Variants in DCAF7 observed in about 807,000 individuals in gnomAD.
DCAF7 encodes the protein DDB1- and CUL4-associated factor 7.
DCAF7 carries 4 observed loss-of-function variants against 41.2 expected under a neutral mutation model. The observed-to-expected ratio is 0.10, with a 90% CI of 0.05 to 0.22. DCAF7 has a LOEUF of 0.22. Among genes scored for constraint, DCAF7 ranks in the 10% least tolerant of loss-of-function variants. The pLI is 1.00. For missense variants in DCAF7, 131 were observed against 443.2 expected, an observed-to-expected ratio of 0.30 and a Z score of 6.32; for synonymous variants, 143 against 164.2, an observed-to-expected ratio of 0.87 and a Z score of 0.99.
intron 2 of DCAF7, 41 bp downstream of exon 2, chr17:63,578,669 C>T: frequency 6.2e-7 from 1 of 1,612,872 alleles, no homozygotes; most frequent in Non-Finnish European, 8.5e-7. Flanking sequence ...AGTGGGCTTT[C>T]TCAGCCTCAG....
intron 1 of DCAF7, among the ~76,000 whole-genome samples, chr17:63,566,050 A>C (rs1202545588): frequency 1.3e-5 from 2 of 152,110 alleles, no homozygotes; most frequent in Non-Finnish European, 2.9e-5. Flanking sequence ...GCAATGAGCC[A>C]AGATTACACC....
At chr17:63,579,284 CTT>C in intron 2 of DCAF7, 51 bp from the exon 3 acceptor site, 4 of 1,282,026 alleles carry the variant, frequency 3.1e-6, no homozygotes, top group Non-Finnish European at 4.3e-6. Flanking sequence ...TTTTAAAAGA[CTT>C]TTTATGAGGA....
rs1177002920 is a variant in DCAF7, at chr17:63,591,480, GT to G, written c.*2309del. 1 of 152,268 alleles carries G rather than the reference GT, an allele frequency of 6.6e-6. No individual in the cohort carries two copies. Among genetic ancestry groups the G allele is most frequent in the African/African-American group, 2.4e-5 (1 of 41,444 alleles). The allele number at this position is 152,268 out of a possible 1,614,324, so 9.4% of individuals were successfully genotyped here. A position where few individuals can be genotyped will look rare whatever the true frequency, so the allele number is the denominator to read the frequency against. On this transcript the variant is annotated 3_prime_UTR_variant, in exon 7 of 7. Transcript: ENST00000614556. Reference sequence around the variant, plus strand: ...CTGTCATCCTTCCTTAGGTCCTGCAGTACAGTCTTCCCCTGAATGCCACCGG... The same window carrying G: ...CTGTCATCCTTCCTTAGGTCCTGCAGACAGTCTTCCCCTGAATGCCACCGG...
chr17:63,562,513 C>A lies in DCAF7; in HGVS notation c.138+11698C>A, dbSNP rs543834886. Among the ~76,000 whole-genome samples the A allele has an allele frequency of 5.9e-5, 9 of 151,812 alleles. No individual in the cohort carries two copies. The East Asian group carries it at 9.6e-4, about 16-fold the overall frequency. Reference sequence around the variant, plus strand: ...GTCAAAAGACAGCAGAAAATATTTTCTTTTTTTATTTTTTATTTTTTATTT... The same window carrying A: ...GTCAAAAGACAGCAGAAAATATTTTATTTTTTTATTTTTTATTTTTTATTT... On this transcript the variant is annotated intron_variant, in intron 1 of 6. Coordinates refer to ENST00000614556, the MANE Select transcript of DCAF7 (RefSeq NM_005828.5).
rs1236275098 is a variant in DCAF7 at position 63,593,093 on chromosome 17, G to GGGTA, written c.*3924_*3927dup. On this transcript the variant is annotated 3_prime_UTR_variant, in exon 7 of 7. Transcript: ENST00000614556. ...GGCAGCCCCTTTCATTCCTGGCTTG[G>GGGTA]GGTAGGGGAGACCATTGAAGTAGAA... 1 of 152,578 alleles carries GGGTA rather than the reference G, an allele frequency of 6.6e-6. No individual in the cohort carries two copies. Among genetic ancestry groups the GGGTA allele is most frequent in the Non-Finnish European group, 1.5e-5 (1 of 68,324 alleles). 9.5% of individuals were successfully genotyped at this position (152,578 alleles called of 1,614,324 possible).
At chr17:63,562,539 T>TTTA (rs567879311) in intron 1 of DCAF7, among the ~76,000 whole-genome samples, 1 of 151,348 alleles carries the variant, frequency 6.6e-6, no homozygotes, top group Non-Finnish European at 1.5e-5. Flanking sequence ...TTTTTTATTT[T>TTTA]TTATTATTAT....
At position 63,593,356 on chromosome 17, in the gene DCAF7, A is replaced by C. The variant is rs148102923; in HGVS notation, c.*4184A>C. 1 of 152,724 alleles carries C rather than the reference A, an allele frequency of 6.5e-6. No homozygotes were observed. Among genetic ancestry groups the C allele is most frequent in the African/African-American group, 2.4e-5 (1 of 41,454 alleles). The allele number at this position is 152,724 out of a possible 1,614,324, so 9.5% of individuals were successfully genotyped here. Reference sequence around the variant, plus strand: ...CACAGTGTCACTGCTGCTAATGGTCAAAGTCAAATGTGTGGCCACATGGGA... The same window carrying C: ...CACAGTGTCACTGCTGCTAATGGTCCAAGTCAAATGTGTGGCCACATGGGA... On this transcript the variant is annotated 3_prime_UTR_variant, in exon 7 of 7. Coordinates refer to ENST00000614556, the MANE Select transcript of DCAF7 (RefSeq NM_005828.5).
At chr17:63,587,363 A>G (rs1315491667) in intron 6 of DCAF7, among the ~76,000 whole-genome samples, 1 of 147,184 alleles carries the variant, frequency 6.8e-6, no homozygotes, top group African/African-American at 2.5e-5. Flanking sequence ...ATAGGGAGGG[A>G]TAGAAGAAGC....
At chr17:63,585,590 C>T (rs2033668466) in intron 6 of DCAF7, among the ~76,000 whole-genome samples, 1 of 152,160 alleles carries the variant, frequency 6.6e-6, no homozygotes, top group African/African-American at 2.4e-5. Flanking sequence ...TACTGTGCCC[C>T]TGAAATCTGG....
Position 63,592,636 on chromosome 17 carries a change from A to T in DCAF7, c.*3464A>T, listed in dbSNP as rs963560775. 6.6e-6 allele frequency: 1 copy of T among 152,112 alleles called. No individual in the cohort carries two copies. Among genetic ancestry groups the T allele is most frequent in the Non-Finnish European group, 1.5e-5 (1 of 68,040 alleles). The allele number at this position is 152,112 out of a possible 1,614,324, so 9.4% of individuals were successfully genotyped here. A position where few individuals can be genotyped will look rare whatever the true frequency, so the allele number is the denominator to read the frequency against. On this transcript the variant is annotated 3_prime_UTR_variant, in exon 7 of 7. Transcript: ENST00000614556. ...AGGTCAGTGAAGGTCTGGGGTAGGG[A>T]AACATTCAGACTGTCCATTGCATGG...
intron 1 of DCAF7, among the ~76,000 whole-genome samples, chr17:63,567,745 G>T (rs2033460398): frequency 6.7e-6 from 1 of 149,082 alleles, no homozygotes; most frequent in African/African-American, 2.5e-5. Context: ...CTACAGCCTT[G>T]ACTTTCTGGG....
chr17:63,570,233 T>G (rs1281291464), intron 1 of DCAF7, among the ~76,000 whole-genome samples: 1 of 151,864 alleles, frequency 6.6e-6, no homozygotes, highest in African/African-American at 2.4e-5. Flanking sequence ...GCAGGCAGAT[T>G]GCTTGAGCTC....
intron 6 of DCAF7, among the ~76,000 whole-genome samples, chr17:63,588,189 A>ATTTTTTTT (rs377638787): frequency 8.3e-6 from 1 of 120,262 alleles, no homozygotes; most frequent in African/African-American, 3.9e-5. Context: ...ATTTTCTTGG[A>ATTTTTTTT]TTTTTTTTTT....
chr17:63,551,225 C>T (rs2033249238), intron 1 of DCAF7, among the ~76,000 whole-genome samples: 1 of 152,008 alleles, frequency 6.6e-6, no homozygotes, highest in Non-Finnish European at 1.5e-5. Flanking sequence ...GCAGGCGCTT[C>T]TATTGGTGGT....
At chr17:63,582,790 G>A (rs184788706) in intron 4 of DCAF7, among the ~76,000 whole-genome samples, 8 of 152,180 alleles carry the variant, frequency 5.3e-5, no homozygotes, top group African/African-American at 1.9e-4. Flanking sequence ...GAAGCTCTCC[G>A]TTGCTCTCTG....
In DCAF7 at chr17:63,550,619, G is replaced by T. The variant is rs2033238203; in HGVS notation, c.-59G>T. 6.3e-7 allele frequency: 1 copy of T among 1,595,148 alleles called. No homozygotes were observed. The highest frequency in any genetic ancestry group is 8.5e-7 in the Non-Finnish European group (1 of 1,169,700). ...TTCGGACCCATAGATCTCAGGCTCG[G>T]CTCCCCGCCCGCCGCAGCCCACTGT... On this transcript the variant is annotated 5_prime_UTR_variant, in exon 1 of 7. Transcript: ENST00000614556. This position sits in a 1 kb window ranked among gnomAD's most constrained non-coding sequence, Gnocchi z 4.8.
intron 1 of DCAF7, among the ~76,000 whole-genome samples, chr17:63,569,507 C>T (rs1174090050): frequency 1.3e-5 from 2 of 152,176 alleles, no homozygotes; most frequent in East Asian, 1.9e-4. Flanking sequence ...GCCTGATCTC[C>T]AGGCCGTGCA....
Position 63,550,941 on chromosome 17 carries a change from C to T in DCAF7, c.138+126C>T, listed in dbSNP as rs574736479. On this transcript the variant is annotated intron_variant, in intron 1 of 6. Transcript: ENST00000614556. This position sits in a 1 kb window ranked among gnomAD's most constrained non-coding sequence, Gnocchi z 4.8. ...GCCCTAGGGCCACGGAGCGGTTCCT[C>T]TGTCTGGCCCTGTGCTGAAGGTTTC... The T allele has an allele frequency of 1.4e-6, 2 of 1,397,722 alleles. No individual in the cohort carries two copies. Among genetic ancestry groups the T allele is most frequent in the South Asian group, 1.4e-5 (1 of 70,040 alleles). The allele number at this position is 1,397,722 out of a possible 1,614,324, so 86.6% of individuals were successfully genotyped here. A position where few individuals can be genotyped will look rare whatever the true frequency, so the allele number is the denominator to read the frequency against.
chr17:63,574,074 C>CA (rs1397437976), intron 1 of DCAF7, among the ~76,000 whole-genome samples: 2 of 152,168 alleles, frequency 1.3e-5, no homozygotes, highest in African/African-American at 4.8e-5. Flanking sequence ...GCTGCACTCC[C>CA]ACGTGGCTCT....
Sources: gnomAD v4.1 joint callset for allele counts (sites outside exome capture counted in the v4.1 genomes callset) on GRCh38, gnomAD v4.1.1 for gene constraint, Gnocchi (gnomAD v3.1) non-coding constraint, MANE v1.5 for transcripts, NCBI Gene and HGNC (gene_info 2026-07-23, HGNC 2026-07-21) for gene names.